Variants in SEMA6D observed in about 807,000 individuals in gnomAD.
The protein encoded by SEMA6D is semaphorin-6D.
A neutral mutation model predicts 106.6 loss-of-function variants in SEMA6D; 35 were observed. That is an observed-to-expected ratio of 0.33 (90% CI 0.25 to 0.44). SEMA6D has a LOEUF of 0.44. Among genes scored for constraint, SEMA6D ranks in the 20% least tolerant of loss-of-function variants. SEMA6D has a pLI of 1.00. For missense variants in SEMA6D, 1,185 were observed against 1,345.9 expected (o/e 0.88, Z 1.87); for synonymous variants, 499 against 487.7 (o/e 1.02, Z -0.31).
chr15:47,552,891 A>AATATAT (rs374271506), intron 3 of SEMA6D, among the ~76,000 whole-genome samples: 1 of 35,282 alleles, frequency 2.8e-5, no homozygotes, highest in Non-Finnish European at 5.0e-5. Flanking sequence ...AATATATATA[A>AATATAT]ATATATATAT....
intron 1 of SEMA6D, among the ~76,000 whole-genome samples, chr15:47,349,355 T>G (rs148570135): frequency 7.9e-4 from 121 of 152,314 alleles, no homozygotes; most frequent in African/African-American, 2.8e-3. Flanking sequence ...GCAGAGGCAC[T>G]TTTGTTTATT....
At chr15:47,716,839 T>C (rs1032332717), upstream of SEMA6D, among the ~76,000 whole-genome samples, 1 of 148,568 alleles carries the variant, frequency 6.7e-6, no homozygotes, top group African/African-American at 2.5e-5. Flanking sequence ...GGATTTTTAG[T>C]AGGCAATTTC....
intron 13 of SEMA6D, chr15:47,765,548 C>A: frequency 1.4e-6 from 1 of 712,466 alleles, no homozygotes; most frequent in South Asian, 6.6e-5. Flanking sequence ...AGAACCAGAA[C>A]CATCTAACAC....
intron 1 of SEMA6D, among the ~76,000 whole-genome samples, chr15:47,392,640 AG>A (rs1351007330): frequency 6.6e-6 from 1 of 152,222 alleles, no homozygotes; most frequent in Non-Finnish European, 1.5e-5. Context: ...ATCTTGAGTT[AG>A]CCCTGTGAAA....
chr15:47,540,849 G>T lies in SEMA6D; in HGVS notation c.-86-60016G>T, dbSNP rs2045333703. Among the ~76,000 whole-genome samples the T allele has an allele frequency of 2.0e-5, 3 of 152,284 alleles. No individual in the cohort carries two copies. The Middle Eastern group carries it at 0.01, about 518-fold the overall frequency. ...CCAGGTGGCCAAGAGTCAGAGTGGGGAGCACATTTCAGACAGAGAGTACAA... is the reference window on the plus strand; with the variant it reads ...CCAGGTGGCCAAGAGTCAGAGTGGGTAGCACATTTCAGACAGAGAGTACAA... On this transcript the variant is annotated intron_variant, in intron 3 of 19. Coordinates refer to the SEMA6D transcript ENST00000558014.
intron 2 of SEMA6D, among the ~76,000 whole-genome samples, chr15:47,466,445 A>G (rs576533551): frequency 2.0e-5 from 3 of 152,204 alleles, no homozygotes; most frequent in East Asian, 1.9e-4. Flanking sequence ...ACTTAGCATA[A>G]TGTCCTCAAA....
intron 4 of SEMA6D, among the ~76,000 whole-genome samples, chr15:47,682,947 G>C (rs556200151): frequency 2.6e-5 from 4 of 152,314 alleles, no homozygotes; most frequent in African/African-American, 7.2e-5. Flanking sequence ...AAGCACATAA[G>C]TGCTGTTGAT....
chr15:47,387,831 C>T (rs2039892072), intron 1 of SEMA6D, among the ~76,000 whole-genome samples: 1 of 152,180 alleles, frequency 6.6e-6, no homozygotes, highest in African/African-American at 2.4e-5. Context: ...TCCCTGAAAC[C>T]TGTTTCTTCA....
intron 3 of SEMA6D, among the ~76,000 whole-genome samples, chr15:47,499,338 C>T (rs1329650485): frequency 6.6e-6 from 1 of 152,060 alleles, no homozygotes; most frequent in African/African-American, 2.4e-5. Context: ...TCCCCTTTGC[C>T]CTCTCCCTCA....
At chr15:47,392,509 C>T (rs970639040) in intron 1 of SEMA6D, among the ~76,000 whole-genome samples, 14 of 107,708 alleles carry the variant, frequency 1.3e-4, no homozygotes, top group Middle Eastern at 0.01. Flanking sequence ...GCTTTGAAGA[C>T]GGAGGAAGGT....
intron 1 of SEMA6D, among the ~76,000 whole-genome samples, chr15:47,319,562 A>C (rs974905378): frequency 6.6e-6 from 1 of 151,982 alleles, no homozygotes; most frequent in African/African-American, 2.4e-5. Context: ...AGGGAGAAAA[A>C]AACAGGATGG....
chr15:47,352,413 T>G (rs1392154079), intron 1 of SEMA6D, among the ~76,000 whole-genome samples: 1 of 152,138 alleles, frequency 6.6e-6, no homozygotes, highest in Non-Finnish European at 1.5e-5. Context: ...CTACCCTGCC[T>G]TGGAAACTCA....
intron 1 of SEMA6D, among the ~76,000 whole-genome samples, chr15:47,321,353 C>A (rs2036914241): frequency 6.6e-6 from 1 of 152,108 alleles, no homozygotes; most frequent in Non-Finnish European, 1.5e-5. Context: ...TATTTGGACA[C>A]TTTAGATATA....
chr15:47,623,139 G>GC (rs1271788448), intron 4 of SEMA6D, among the ~76,000 whole-genome samples: 19 of 152,128 alleles, frequency 1.2e-4, no homozygotes, highest in Admixed American at 2.6e-4. Flanking sequence ...GGCATAAGTA[G>GC]CTTTATTTGT....
chr15:47,513,229 T>C (rs190969619), intron 3 of SEMA6D, among the ~76,000 whole-genome samples: 9 of 152,188 alleles, frequency 5.9e-5, no homozygotes, highest in African/African-American at 1.4e-4. Flanking sequence ...CACAGGCAGA[T>C]TGATTTGTAT....
intron 1 of SEMA6D, among the ~76,000 whole-genome samples, chr15:47,201,336 A>G (rs1452562381): frequency 1.3e-5 from 2 of 152,204 alleles, no homozygotes; most frequent in African/African-American, 4.8e-5. Flanking sequence ...GCCCATTTAC[A>G]AAATTCATAG....
chr15:47,673,474 G>A (rs578201534), intron 4 of SEMA6D, among the ~76,000 whole-genome samples: 3 of 152,226 alleles, frequency 2.0e-5, no homozygotes, highest in African/African-American at 7.2e-5. Flanking sequence ...TCCACGTCTG[G>A]GAATGCTGCC....
At chr15:47,184,917 G>A (rs1173111277) in intron 1 of SEMA6D, among the ~76,000 whole-genome samples, 2 of 152,250 alleles carry the variant, frequency 1.3e-5, no homozygotes, top group Non-Finnish European at 2.9e-5. Context: ...ATTGGTGGGT[G>A]CTGGGAGGCA....
chr15:47,401,590 C>T (rs1167066067), intron 1 of SEMA6D, among the ~76,000 whole-genome samples: 2 of 152,176 alleles, frequency 1.3e-5, no homozygotes, highest in Non-Finnish European at 2.9e-5. Flanking sequence ...CTTTGTCAGC[C>T]TGCTCTCACC....
Sources: gnomAD v4.1 joint callset for allele counts (sites outside exome capture counted in the v4.1 genomes callset) on GRCh38, gnomAD v4.1.1 for gene constraint, MANE v1.5 for transcripts, NCBI Gene and HGNC (gene_info 2026-07-23, HGNC 2026-07-21) for gene names.